Variants in ANKDD1B observed in about 807,000 individuals in gnomAD.
ANKDD1B encodes ankyrin repeat and death domain containing 1B.
Under a neutral mutation model 59.7 loss-of-function variants are expected in ANKDD1B, and 57 were observed. The ratio of observed to expected loss-of-function variants is 0.95; its 90% CI spans 0.77 to 1.19. The LOEUF is 1.19. Ranked by LOEUF, ANKDD1B falls within the 50% of genes most tolerant of loss-of-function variation. ANKDD1B has a pLI of 0.00. For synonymous variants in ANKDD1B, 216 were observed against 239.5 expected (o/e 0.90, Z 0.91); for missense variants, 602 against 641.9 (o/e 0.94, Z 0.67).
chr5:75,653,805 T>C (rs530825154), intron 8 of ANKDD1B, among the ~76,000 whole-genome samples: 5 of 152,358 alleles, frequency 3.3e-5, no homozygotes, highest in Admixed American at 3.3e-4. Context: ...GCTGAGCCAT[T>C]ACTATTTATT....
chr5:75,655,211 G>T (rs904814403), intron 8 of ANKDD1B, among the ~76,000 whole-genome samples: 12 of 152,216 alleles, frequency 7.9e-5, no homozygotes, highest in African/African-American at 2.9e-4. Flanking sequence ...GAAGCCAGTG[G>T]TTGGGATAAG....
intron 3 of ANKDD1B, among the ~76,000 whole-genome samples, chr5:75,623,080 G>GT (rs1316937994): frequency 5.3e-5 from 8 of 151,280 alleles, no homozygotes; most frequent in South Asian, 4.2e-4. Flanking sequence ...ATTTCTGGTG[G>GT]TTTTTTTTTC....
rs761768207 is a variant in ANKDD1B at position 75,625,669 on chromosome 5, T to G, written c.419T>G (p.Leu140Arg). The G allele has an allele frequency of 1.3e-6, 2 of 1,536,456 alleles. No homozygotes were observed. The highest frequency in any genetic ancestry group is 2.4e-5 in the South Asian group (2 of 84,056). The change falls in exon 4 of 14, where the codon CTT (leucine) becomes CGT (arginine). Residue 140 changes from leucine (L) to arginine (R), a missense_variant. Physicochemically the swap from Leu to Arg is moderately radical, Grantham distance 102. Transcript: ENST00000601380. ...AAGCACGGCTTGACAGTAATTCACCTTGCAGCCTGGTCTGGGAGCCTTGAG... is the reference window on the plus strand; with the variant it reads ...AAGCACGGCTTGACAGTAATTCACCGTGCAGCCTGGTCTGGGAGCCTTGAG... Reference protein sequence around the residue: ...ADKHGLTVIHLAAWSGSLEVM... With the variant: ...ADKHGLTVIHRAAWSGSLEVM...
At chr5:75,666,648 A>G in intron 11 of ANKDD1B, 144 bp from the exon 12 acceptor site, 1 of 591,900 alleles carries the variant, frequency 1.7e-6, no homozygotes, top group Non-Finnish European at 2.9e-6. Flanking sequence ...AAAAAAATAT[A>G]TATATGATCC....
intron 10 of ANKDD1B, among the ~76,000 whole-genome samples, chr5:75,661,414 A>AAAAAAAAAAAAAAAAAAAAAAAG (rs1471501853): frequency 7.6e-6 from 1 of 131,422 alleles, no homozygotes; most frequent in Non-Finnish European, 1.5e-5. Context: ...AAAAAAAAAA[A>AAAAAAAAAAAAAAAAAAAAAAAG]AAAAAAAAAA....
At chr5:75,649,546 A>G (rs1214125773) in intron 7 of ANKDD1B, among the ~76,000 whole-genome samples, 9 of 152,158 alleles carry the variant, frequency 5.9e-5, no homozygotes, top group Non-Finnish European at 1.3e-4. Flanking sequence ...CACGGAGCCC[A>G]TGATGCCTAG....
At chr5:75,670,888 T>C (rs1775459562) in intron 13 of ANKDD1B, 91 bp from the exon 14 acceptor site, 1 of 428,864 alleles carries the variant, frequency 2.3e-6, no homozygotes. Context: ...TTCAAAGGGC[T>C]GTTGTGGGAT....
At chr5:75,613,438 AGTGTAGAG>A (rs1353681595) in intron 1 of ANKDD1B, among the ~76,000 whole-genome samples, 1 of 152,188 alleles carries the variant, frequency 6.6e-6, no homozygotes, top group African/African-American at 2.4e-5. Context: ...CCAGAGCCCA[AGTGTAGAG>A]GTTGGCCTTT....
rs554877039 is a variant in ANKDD1B at position 75,611,563 on chromosome 5, TGTCCGAGTCTGGGTCTGGATCTGG to T, written c.-53_-30del. 67,720 of 1,181,502 alleles carry T rather than the reference TGTCCGAGTCTGGGTCTGGATCTGG, an allele frequency of 0.057. 2,278 individuals carry two copies. The highest frequency in any genetic ancestry group is 0.17 in the East Asian group (5,300 of 31,406). 73.2% of individuals were successfully genotyped at this position (1,181,502 alleles called of 1,614,324 possible). A position where few individuals can be genotyped will look rare whatever the true frequency, so the allele number is the denominator to read the frequency against. On this transcript the variant is annotated 5_prime_UTR_variant, in exon 1 of 14. Transcript: ENST00000601380. ...CTGGGCCTGCCTGGGTCTGGATCTG[TGTCCGAGTCTGGGTCTGGATCTGG>T]GTCCGAGTCTGGGTCTGGCCCTGCG...
At chr5:75,667,363 C>T (rs1186437313) in intron 12 of ANKDD1B, among the ~76,000 whole-genome samples, 6 of 152,178 alleles carry the variant, frequency 3.9e-5, no homozygotes, top group Non-Finnish European at 7.3e-5. Context: ...TTCTATGTTC[C>T]TTGAGACTGT....
In ANKDD1B at chr5:75,662,151, T is replaced by C. The variant is rs186166990; in HGVS notation, c.1096-1243T>C. ...ATATATTCCTTAGGAAGATTTTCCT[T>C]TGAACTTGGAAACTCTGGCTCTCAG... On this transcript the variant is annotated intron_variant, in intron 10 of 13. Transcript: ENST00000601380. Among the ~76,000 whole-genome samples, 3 of 152,248 alleles carry C rather than the reference T, an allele frequency of 2.0e-5. No homozygotes were observed. In the East Asian group the frequency reaches 5.8e-4, roughly 29 times the overall value.
chr5:75,648,361 C>T (rs2111982149), intron 7 of ANKDD1B, among the ~76,000 whole-genome samples: 1 of 151,814 alleles, frequency 6.6e-6, no homozygotes, highest in East Asian at 1.9e-4. Context: ...ACACAGGTGC[C>T]TCCTTGTCCC....
intron 11 of ANKDD1B, 63 bp downstream of exon 11, chr5:75,663,552 G>A (rs1174077847): frequency 1.6e-6 from 2 of 1,288,230 alleles, no homozygotes. Context: ...TCTTGCAGGG[G>A]CAATGGGGGG....
chr5:75,635,793 A>G lies in ANKDD1B; in HGVS notation c.709A>G (p.Thr237Ala). The G allele has an allele frequency of 1.3e-6, 2 of 1,530,554 alleles. No homozygotes were observed. The highest frequency in any genetic ancestry group is 2.7e-5 in the African/African-American group (2 of 73,054). The allele number at this position is 1,530,554 out of a possible 1,614,324, so 94.8% of individuals were successfully genotyped here. A position where few individuals can be genotyped will look rare whatever the true frequency, so the allele number is the denominator to read the frequency against. ...HTSEKDKGGNTALHLAAKHGH... is the reference protein window; with the variant it reads ...HTSEKDKGGNAALHLAAKHGH... Reference sequence around the variant, plus strand: ...TGTGTCTCTGTTGCAGGGGGGAAACACTGCCTTGCACCTCGCTGCGAAGCA... The same window carrying G: ...TGTGTCTCTGTTGCAGGGGGGAAACGCTGCCTTGCACCTCGCTGCGAAGCA... Residue 237 changes from threonine (T) to alanine (A), a missense_variant, in exon 7 of 14, where the codon ACT becomes GCT. Coordinates refer to ENST00000601380, the MANE Select transcript of ANKDD1B (RefSeq NM_001276713.2).
At chr5:75,638,069 C>A (rs929367075) in intron 7 of ANKDD1B, among the ~76,000 whole-genome samples, 1 of 152,198 alleles carries the variant, frequency 6.6e-6, no homozygotes, top group Non-Finnish European at 1.5e-5. Context: ...TAAGTTTCAA[C>A]ATGAATTTTT....
At chr5:75,654,274 CAG>C (rs1774905898) in intron 8 of ANKDD1B, among the ~76,000 whole-genome samples, 1 of 152,204 alleles carries the variant, frequency 6.6e-6, no homozygotes, top group Non-Finnish European at 1.5e-5. Context: ...TCTCCTGAGA[CAG>C]AGCCTGGTGC....
At chr5:75,616,668 G>A (rs558935151) in intron 1 of ANKDD1B, 136 bp from the exon 2 acceptor site, 11 of 481,578 alleles carry the variant, frequency 2.3e-5, no homozygotes, top group East Asian at 1.6e-4. Context: ...ATATTGAAGC[G>A]AAGTTCCCAT....
chr5:75,621,503 T>C (rs1450502795), intron 3 of ANKDD1B, among the ~76,000 whole-genome samples: 2 of 152,134 alleles, frequency 1.3e-5, no homozygotes, highest in Non-Finnish European at 2.9e-5. Context: ...TGTGGGTATA[T>C]AGTAAGTGTA....
At chr5:75,649,277 A>G (rs1354479375) in intron 7 of ANKDD1B, among the ~76,000 whole-genome samples, 1 of 145,418 alleles carries the variant, frequency 6.9e-6, no homozygotes. Flanking sequence ...CACCTAATTT[A>G]TGATTGACTC....
Sources: gnomAD v4.1 joint callset for allele counts (sites outside exome capture counted in the v4.1 genomes callset) on GRCh38, gnomAD v4.1.1 for gene constraint, MANE v1.5 for transcripts, NCBI Gene and HGNC (gene_info 2026-07-23, HGNC 2026-07-21) for gene names.